COL23A1: variants seen among roughly 807,000 people sequenced by gnomAD.
COL23A1 encodes collagen type XXIII alpha 1 chain.
COL23A1 carries 97 observed loss-of-function variants against 99.3 expected under a neutral mutation model. The observed-to-expected ratio is 0.98, with a 90% CI of 0.83 to 1.16. The LOEUF (loss-of-function observed/expected upper bound fraction) is 1.16, where lower values mean the gene tolerates loss of function less well. Ranked by LOEUF, COL23A1 falls within the 50% of genes most tolerant of loss-of-function variation. COL23A1 has a pLI of 0.00. For synonymous variants in COL23A1, 320 were observed against 308.2 expected, an observed-to-expected ratio of 1.04 and a Z score of -0.40; for missense variants, 762 against 757.4, an observed-to-expected ratio of 1.01 and a Z score of -0.07.
intron 17 of COL23A1, among the ~76,000 whole-genome samples, chr5:178,251,739 A>T (rs906938052): frequency 1.3e-5 from 2 of 152,118 alleles, no homozygotes; most frequent in Admixed American, 6.5e-5. Flanking sequence ...GCTATAAGAC[A>T]AATGCTTGGG....
intron 2 of COL23A1, among the ~76,000 whole-genome samples, chr5:178,423,709 A>G (rs965395510): frequency 2.0e-5 from 3 of 152,080 alleles, no homozygotes; most frequent in Admixed American, 1.3e-4. Flanking sequence ...GCAGTCCTGT[A>G]GTCACATTCA....
At chr5:178,300,710 G>A (rs1333411487) in intron 3 of COL23A1, among the ~76,000 whole-genome samples, 1 of 122,912 alleles carries the variant, frequency 8.1e-6, no homozygotes, top group Non-Finnish European at 1.9e-5. Flanking sequence ...AGGCACGCCT[G>A]GCTAGCTTTT....
intron 25 of COL23A1, 47 bp from the exon 26 acceptor site, chr5:178,242,441 TG>T: frequency 6.3e-7 from 1 of 1,593,748 alleles, no homozygotes; most frequent in African/African-American, 1.3e-5. Context: ...GCTGGAGGTT[TG>T]CCCCTCTGTT....
chr5:178,388,374 T>C (rs1310422718), intron 2 of COL23A1, among the ~76,000 whole-genome samples: 1 of 152,198 alleles, frequency 6.6e-6, no homozygotes, highest in Non-Finnish European at 1.5e-5. Flanking sequence ...AGGCCAGATA[T>C]GCCTGTTGGA....
chr5:178,418,737 C>T (rs529864441), intron 2 of COL23A1, among the ~76,000 whole-genome samples: 4 of 151,594 alleles, frequency 2.6e-5, no homozygotes, highest in African/African-American at 4.9e-5. Flanking sequence ...AGATCAGAAA[C>T]AAGCCTCCAG....
intron 18 of COL23A1, among the ~76,000 whole-genome samples, chr5:178,249,464 A>G (rs894403587): frequency 6.6e-6 from 1 of 152,184 alleles, no homozygotes; most frequent in African/African-American, 2.4e-5. Flanking sequence ...GTGAGCCTGG[A>G]GCTGCCCCTC....
At position 178,307,518 on chromosome 5, in the gene COL23A1, C is replaced by T. The variant is rs540816497; in HGVS notation, c.362-599G>A. ...AGCCGCCTTCTGGGCTTCCTGTCCA[C>T]GTCTGTCCTCCATCCGCGCGCTATA... On this transcript the variant is annotated intron_variant, in intron 2 of 28. Coordinates refer to ENST00000390654, the MANE Select transcript of COL23A1 (RefSeq NM_173465.4). This position sits in a 1 kb window ranked among gnomAD's most constrained non-coding sequence, Gnocchi z 4.2. 5.2e-4 allele frequency among the ~76,000 whole-genome samples: 79 copies of T among 152,360 alleles called. No homozygotes were observed. The highest frequency in any genetic ancestry group is 1.9e-3 in the African/African-American group (78 of 41,584).
At chr5:178,430,424 GA>G (rs1431228146) in intron 2 of COL23A1, among the ~76,000 whole-genome samples, 1 of 152,162 alleles carries the variant, frequency 6.6e-6, no homozygotes, top group East Asian at 1.9e-4. Context: ...TAGTCCCCTG[GA>G]AAGGACACAA....
intron 22 of COL23A1, 100 bp from the exon 23 acceptor site, chr5:178,246,553 G>T (rs1214443003): frequency 8.1e-7 from 1 of 1,239,440 alleles, no homozygotes; most frequent in Non-Finnish European, 1.1e-6. Flanking sequence ...GTGGACAGAG[G>T]AACAGATCGA....
chr5:178,244,953 T>C (rs1414271763), intron 25 of COL23A1, among the ~76,000 whole-genome samples: 1 of 143,276 alleles, frequency 7.0e-6, no homozygotes, highest in Non-Finnish European at 1.5e-5. Context: ...ATCCCTCCAC[T>C]GCCATCATCA....
rs1755874186 is a variant in COL23A1 at position 178,457,729 on chromosome 5, A to C, written c.361+102953T>G. Among the ~76,000 whole-genome samples the C allele has an allele frequency of 2.0e-5, 3 of 152,330 alleles. No homozygotes were observed. In the South Asian group the frequency reaches 6.2e-4, roughly 32 times the overall value. On this transcript the variant is annotated intron_variant, in intron 2 of 28. Transcript: ENST00000390654. ...AGGCAGTGCTGTGATTATCATCCTC[A>C]GACTGCTGCATGTGTATCATGGAAT...
Position 178,307,792 on chromosome 5 carries a change from G to A in COL23A1, c.362-873C>T, listed in dbSNP as rs990376272. On this transcript the variant is annotated intron_variant, in intron 2 of 28. Transcript: ENST00000390654. This position sits in a 1 kb window ranked among gnomAD's most constrained non-coding sequence, Gnocchi z 4.2. ...AGGTACAAGATTGCAATGTGTAAAT[G>A]GCATTTGATACGTCTTGCTCACCCA... 6.6e-6 allele frequency among the ~76,000 whole-genome samples: 1 copy of A among 152,212 alleles called. No homozygotes were observed. Among genetic ancestry groups the A allele is most frequent in the Non-Finnish European group, 1.5e-5 (1 of 68,036 alleles).
Position 178,238,954 on chromosome 5 carries a change from G to A in COL23A1, c.1620+187C>T, listed in dbSNP as rs78245912. 0.011 allele frequency among the ~76,000 whole-genome samples: 1,635 copies of A among 152,256 alleles called. 39 individuals are homozygous for A. The highest frequency in any genetic ancestry group is 0.037 in the African/African-American group (1,556 of 41,524). Reference sequence around the variant, plus strand: ...CCATCACCCAGGACCACAGCCCCACGCCTCACATGCAAGATGGGAGAGTCA... The same window carrying A: ...CCATCACCCAGGACCACAGCCCCACACCTCACATGCAAGATGGGAGAGTCA... On this transcript the variant is annotated intron_variant, in intron 28 of 28. Coordinates refer to ENST00000390654, the MANE Select transcript of COL23A1 (RefSeq NM_173465.4).
intron 2 of COL23A1, among the ~76,000 whole-genome samples, chr5:178,406,709 T>C (rs1176294128): frequency 6.6e-6 from 1 of 152,178 alleles, no homozygotes; most frequent in African/African-American, 2.4e-5. Context: ...ATTACAGGCA[T>C]GAGTCACCGC....
At position 178,258,809 on chromosome 5, in the gene COL23A1, C is replaced by G. The variant is rs543181769; in HGVS notation, c.729+912G>C. ...TCCTGGGCTCAAGCGATCCTCCCAC[C>G]TCAGCCTTGGAAGTAGCTGGGACTA... On this transcript the variant is annotated intron_variant, in intron 12 of 28. Transcript: ENST00000390654. Among the ~76,000 whole-genome samples, 5 of 152,274 alleles carry G rather than the reference C, an allele frequency of 3.3e-5. No individual in the cohort carries two copies. The South Asian group carries it at 1.0e-3, about 32-fold the overall frequency.
intron 2 of COL23A1, among the ~76,000 whole-genome samples, chr5:178,326,475 T>G (rs1334386116): frequency 6.6e-6 from 1 of 151,540 alleles, no homozygotes; most frequent in Non-Finnish European, 1.5e-5. Flanking sequence ...CCCAGCTTGC[T>G]GGGACCTTGG....
chr5:178,515,967 C>T (rs376279606), intron 2 of COL23A1, among the ~76,000 whole-genome samples: 14 of 152,200 alleles, frequency 9.2e-5, no homozygotes, highest in African/African-American at 2.7e-4. Flanking sequence ...ACGCCCTTCC[C>T]TTGTCTTGGT....
chr5:178,374,231 G>T (rs964107488), intron 2 of COL23A1, among the ~76,000 whole-genome samples: 14 of 152,200 alleles, frequency 9.2e-5, no homozygotes. Context: ...GCCAATCTTT[G>T]CTCCTCCCAG....
chr5:178,564,821 G>A (rs6874454), intron 1 of COL23A1, among the ~76,000 whole-genome samples: 3,565 of 152,254 alleles, frequency 0.023, 125 homozygotes, highest in African/African-American at 0.077. Context: ...TTGTTCTGAG[G>A]AAATACAGAT....
Sources: gnomAD v4.1 joint callset for allele counts (sites outside exome capture counted in the v4.1 genomes callset) on GRCh38, gnomAD v4.1.1 for gene constraint, Gnocchi (gnomAD v3.1) non-coding constraint, MANE v1.5 for transcripts, NCBI Gene and HGNC (gene_info 2026-07-23, HGNC 2026-07-21) for gene names.